Variants in TET3 observed in about 807,000 individuals in gnomAD.
TET3 encodes tet methylcytosine dioxygenase 3.
Under a neutral mutation model 141.4 loss-of-function variants are expected in TET3, and 19 were observed. The ratio of observed to expected loss-of-function variants is 0.13; its 90% CI spans 0.09 to 0.20. TET3 has a LOEUF of 0.20. TET3 is among the 10% of genes least tolerant of loss of function. The pLI, the probability that TET3 is intolerant of heterozygous loss-of-function variation, is 1.00. For missense variants in TET3, 1,874 were observed against 2,356.9 expected (o/e 0.80, Z 4.24); for synonymous variants, 1,043 against 980.9 (o/e 1.06, Z -1.18).
chr2:73,986,641 A>G lies in TET3; in HGVS notation c.238A>G (p.Thr80Ala), dbSNP rs908867796. 1 of 1,232,026 alleles carries G rather than the reference A, an allele frequency of 8.1e-7. No homozygotes were observed. Among genetic ancestry groups the G allele is most frequent in the African/African-American group, 1.6e-5 (1 of 64,416 alleles). The allele number at this position is 1,232,026 out of a possible 1,614,324, so 76.3% of individuals were successfully genotyped here. A position where few individuals can be genotyped will look rare whatever the true frequency, so the allele number is the denominator to read the frequency against. Residue 80 changes from threonine (T) to alanine (A), a missense_variant, in exon 2 of 12, where the codon ACG becomes GCG. This residue lies in a region of TET3 where 366 missense variants were observed against 487.0 expected (regional missense o/e 0.75). Coordinates refer to ENST00000409262, the MANE Select transcript of TET3 (RefSeq NM_001287491.2). ...TTGCACTAGCTGTACCAACCGCCGCACGCACCAGATCTGCAAACTGCGAAA... is the reference window on the plus strand; with the variant it reads ...TTGCACTAGCTGTACCAACCGCCGCGCGCACCAGATCTGCAAACTGCGAAA... Reference protein sequence around the residue: ...GACTSCTNRRTHQICKLRKCE... With the variant: ...GACTSCTNRRAHQICKLRKCE...
Position 74,047,327 on chromosome 2 carries a change from C to T in TET3, c.1410C>T (p.Ala470=). 6.2e-7 allele frequency: 1 copy of T among 1,614,034 alleles called. No homozygotes were observed. Among genetic ancestry groups the T allele is most frequent in the South Asian group, 1.1e-5 (1 of 91,084 alleles). ...MAELEQLLGS[A]SDYIQSVFKR... ...AACTGGAGCAGTTGTTGGGCAGCGC[C>T]AGTGATTACATCCAGTCAGTATTCA... is the stretch of plus-strand genomic sequence containing the variant. The change falls in exon 4 of 12, where the codon GCC becomes GCT. Residue 470 remains alanine, a synonymous_variant. Transcript: ENST00000409262.
chr2:74,079,119 C>T (rs998559950), intron 5 of TET3, among the ~76,000 whole-genome samples: 17 of 152,172 alleles, frequency 1.1e-4, no homozygotes, highest in Admixed American at 3.9e-4. Flanking sequence ...GAGGCCGAGG[C>T]GGGTGGATCA....
At chr2:74,122,477 A>AGTGTG in the TET3 span, 1 of 125,112 alleles carries the variant, frequency 8.0e-6, no homozygotes, top group African/African-American at 3.0e-5. Flanking sequence ...GTGTGTGTAT[A>AGTGTG]TATAAATACA....
chr2:73,991,708 G>A (rs1426442206), intron 2 of TET3, among the ~76,000 whole-genome samples: 1 of 150,396 alleles, frequency 6.6e-6, no homozygotes, highest in African/African-American at 2.5e-5. Context: ...CCTAGGCTGA[G>A]GCAGGAGAAT....
rs745605773 is a variant in TET3 at position 74,093,106 on chromosome 2, G to A, written c.3129+115G>A. The A allele has an allele frequency of 3.1e-6, 3 of 966,852 alleles. No individual in the cohort carries two copies. Among genetic ancestry groups the A allele is most frequent in the Non-Finnish European group, 4.7e-6 (3 of 640,418 alleles). 59.9% of individuals were successfully genotyped at this position (966,852 alleles called of 1,614,324 possible). ...TTTACTCTCTTATGGGAAGAGCCTA[G>A]TCCAGAAGTAAAGCGATATGATGTG... On this transcript the variant is annotated intron_variant, in intron 9 of 11. Coordinates refer to ENST00000409262, the MANE Select transcript of TET3 (RefSeq NM_001287491.2). The surrounding 1 kb of genome is among the most constrained non-coding windows in gnomAD (Gnocchi z 4.2).
In TET3 at chr2:74,028,419, T is replaced by C. The variant is rs932028727; in HGVS notation, c.361-17859T>C. Among the ~76,000 whole-genome samples the C allele has an allele frequency of 3.9e-5, 6 of 152,216 alleles. No individual in the cohort carries two copies. The East Asian group carries it at 7.7e-4, about 19-fold the overall frequency. On this transcript the variant is annotated intron_variant, in intron 3 of 11. Transcript: ENST00000409262. ...CCTAATCCAAGATAATAAATATTTA[T>C]GTCTGTTTTAGAGTTTTATAGTTTT...
chr2:74,028,676 G>A (rs1304667874), intron 3 of TET3, among the ~76,000 whole-genome samples: 3 of 152,130 alleles, frequency 2.0e-5, no homozygotes, highest in East Asian at 1.9e-4. Context: ...GTATTGTTTG[G>A]TATTAACATT....
At chr2:74,017,746 G>A (rs769240453) in intron 3 of TET3, among the ~76,000 whole-genome samples, 6 of 152,060 alleles carry the variant, frequency 3.9e-5, no homozygotes, top group South Asian at 2.1e-4. Context: ...TCTTTTGGAC[G>A]TATATCCAGA....
intron 2 of TET3, 142 bp from the exon 3 acceptor site, chr2:74,002,968 C>A: frequency 1.2e-6 from 1 of 818,158 alleles, no homozygotes. Flanking sequence ...GGAAGATGGT[C>A]CCAGATAGCC....
chr2:74,071,517 C>T (rs1037133959), intron 4 of TET3, among the ~76,000 whole-genome samples: 10 of 152,198 alleles, frequency 6.6e-5, no homozygotes, highest in African/African-American at 2.2e-4. Context: ...GTTAGTGCAG[C>T]GAATTCCTGT....
rs1445062207 is a variant in TET3, at chr2:74,080,606, C to G, written c.2679+15C>G. On this transcript the variant is annotated intron_variant, in intron 6 of 11. Transcript: ENST00000409262. ...TTGCAAAGTGGGTGAGTGTTGAGCC[C>G]ACTCAAGAGCCACAGCTGTGCCTGG... is the stretch of plus-strand genomic sequence containing the variant. The G allele has an allele frequency of 6.2e-7, 1 of 1,603,086 alleles. No homozygotes were observed. The highest frequency in any genetic ancestry group is 1.7e-5 in the Admixed American group (1 of 58,582).
chr2:74,012,755 G>A (rs2105200659), intron 3 of TET3, among the ~76,000 whole-genome samples: 1 of 152,296 alleles, frequency 6.6e-6, no homozygotes, highest in Non-Finnish European at 1.5e-5. Context: ...AATGACTCTA[G>A]TGTTTTACAC....
chr2:74,029,546 A>G (rs1020803956), intron 3 of TET3, among the ~76,000 whole-genome samples: 1 of 152,252 alleles, frequency 6.6e-6, no homozygotes, highest in Non-Finnish European at 1.5e-5. Context: ...CATATGAGAA[A>G]AAACCACTGA....
At position 74,101,492 on chromosome 2, in the gene TET3, A is replaced by T; in HGVS notation, c.4704A>T (p.Pro1568=). 6.2e-7 allele frequency: 1 copy of T among 1,613,210 alleles called. No individual in the cohort carries two copies. Among genetic ancestry groups the T allele is most frequent in the Non-Finnish European group, 8.5e-7 (1 of 1,179,652 alleles). ...TGAAAGGAGAGGAGGGCAGGATTCC[A>T]GCCGCAGGGGCCAGCCAGCTGGACA... ...NPMKGEEGRI[P]AAGASQLDRA... The change falls in exon 12 of 12, where the codon CCA becomes CCT. Residue 1568 remains proline, a synonymous_variant. Transcript: ENST00000409262. The surrounding 1 kb of genome is among the most constrained non-coding windows in gnomAD (Gnocchi z 8.5).
rs368083613 is a variant in TET3 at position 74,047,121 on chromosome 2, C to G, written c.1204C>G (p.Arg402Gly). 6.2e-7 allele frequency: 1 copy of G among 1,613,844 alleles called. No homozygotes were observed. The highest frequency in any genetic ancestry group is 8.5e-7 in the Non-Finnish European group (1 of 1,179,884). The change falls in exon 4 of 12, where the codon CGG (arginine) becomes GGG (glycine). Residue 402 changes from arginine (R) to glycine (G), a missense_variant. Coordinates refer to ENST00000409262, the MANE Select transcript of TET3 (RefSeq NM_001287491.2). ...TTTCAGATCTCCCCAGTCTTACCTC[C>G]GGGCTCCCTCATGGCCTGTGGTTCC... The part of the protein sequence containing the change: ...APFRSPQSYL[R>G]APSWPVVPPE...
At chr2:74,002,876 T>G in intron 2 of TET3, 14 of 540,974 alleles carry the variant, frequency 2.6e-5, no homozygotes, top group South Asian at 9.9e-5. Flanking sequence ...CTCGGGGGGA[T>G]TCTCAGAGGA....
At position 74,105,226 on chromosome 2, in the gene TET3, G is replaced by A. The variant is rs1031272527; in HGVS notation, c.*3050G>A. 1 of 398,516 alleles carries A rather than the reference G, an allele frequency of 2.5e-6. No individual in the cohort carries two copies. Among genetic ancestry groups the A allele is most frequent in the Non-Finnish European group, 4.4e-6 (1 of 226,058 alleles). 24.7% of individuals were successfully genotyped at this position (398,516 alleles called of 1,614,324 possible). A position where few individuals can be genotyped will look rare whatever the true frequency, so the allele number is the denominator to read the frequency against. ...GTTCGAAGAGTCATATTATAGCAAC[G>A]GAAATCGATGGCGTCTTAGTCATCT... On this transcript the variant is annotated 3_prime_UTR_variant, in exon 12 of 12. Coordinates refer to ENST00000409262, the MANE Select transcript of TET3 (RefSeq NM_001287491.2).
chr2:74,129,639 A>T, the TET3 span, among the ~76,000 whole-genome samples: 4 of 152,130 alleles, frequency 2.6e-5, no homozygotes, highest in African/African-American at 9.7e-5. Context: ...TCAAAAAAAA[A>T]AATGAATTGA....
At chr2:74,007,459 A>G (rs76300151) in intron 3 of TET3, among the ~76,000 whole-genome samples, 5,280 of 152,262 alleles carry the variant, frequency 0.035, 318 homozygotes, top group African/African-American at 0.12. Flanking sequence ...TGTTGGCATT[A>G]GATGTTTCGG....
Sources: gnomAD v4.1 joint callset for allele counts (sites outside exome capture counted in the v4.1 genomes callset) on GRCh38, gnomAD v4.1.1 for gene constraint, gnomAD v4.1.1 regional missense constraint, Gnocchi (gnomAD v3.1) non-coding constraint, MANE v1.5 for transcripts, NCBI Gene and HGNC (gene_info 2026-07-23, HGNC 2026-07-21) for gene names.